The following SYT16 variants were observed in gnomAD, a reference collection of about 807,000 sequenced individuals.
SYT16 encodes the protein synaptotagmin 16.
Under a neutral mutation model 61.4 loss-of-function variants are expected in SYT16, and 42 were observed. The observed-to-expected ratio is 0.68, with a 90% CI of 0.53 to 0.89. SYT16 has a LOEUF of 0.89. Among genes scored for constraint, SYT16 ranks in the 40% least tolerant of loss-of-function variants. The pLI is 0.00. For missense variants in SYT16, 804 were observed against 807.3 expected (o/e 1.00, Z 0.05); for synonymous variants, 314 against 302.3 (o/e 1.04, Z -0.40).
intron 4 of SYT16, among the ~76,000 whole-genome samples, chr14:62,073,157 C>A (rs1271063624): frequency 6.6e-6 from 1 of 152,126 alleles, no homozygotes; most frequent in Non-Finnish European, 1.5e-5. Context: ...ACATTAATAT[C>A]ATTCTTATGT....
At chr14:61,951,763 C>T (rs1594995084) in intron 1 of SYT16, among the ~76,000 whole-genome samples, 2 of 151,874 alleles carry the variant, frequency 1.3e-5, no homozygotes, top group South Asian at 4.2e-4. Flanking sequence ...GCATATGTTC[C>T]TAATTATTTC....
intron 3 of SYT16, among the ~76,000 whole-genome samples, chr14:62,052,468 G>A (rs1469938153): frequency 6.6e-6 from 1 of 152,118 alleles, no homozygotes; most frequent in Admixed American, 6.5e-5. Context: ...GCCTAATATA[G>A]GCCTAATTTT....
At chr14:61,883,530 A>G (rs952804468) in intron 1 of SYT16, among the ~76,000 whole-genome samples, 1 of 152,206 alleles carries the variant, frequency 6.6e-6, no homozygotes, top group African/African-American at 2.4e-5. Flanking sequence ...TTCATTGTCC[A>G]TATCACTATC....
At chr14:62,037,916 C>T (rs1332941616) in intron 3 of SYT16, among the ~76,000 whole-genome samples, 1 of 152,154 alleles carries the variant, frequency 6.6e-6, no homozygotes, top group Non-Finnish European at 1.5e-5. Flanking sequence ...TGTTGGTAAC[C>T]TGTAGCCAGG....
intron 1 of SYT16, among the ~76,000 whole-genome samples, chr14:61,915,138 T>A (rs1211138844): frequency 3.3e-5 from 5 of 152,156 alleles, no homozygotes; most frequent in African/African-American, 4.8e-5. Context: ...TGTTCTGAAT[T>A]TCATAAATAG....
At chr14:62,035,095 G>T (rs2054457541) in intron 3 of SYT16, among the ~76,000 whole-genome samples, 1 of 152,280 alleles carries the variant, frequency 6.6e-6, no homozygotes. Flanking sequence ...CATTGGAAGG[G>T]TAATTTTTGA....
chr14:61,856,308 T>A (rs1266467034), intron 1 of SYT16, among the ~76,000 whole-genome samples: 1 of 152,186 alleles, frequency 6.6e-6, no homozygotes, highest in East Asian at 1.9e-4. Flanking sequence ...TCAGGTAGAA[T>A]GTAGACAACA....
chr14:62,085,135 G>T (rs1225888894), intron 7 of SYT16, among the ~76,000 whole-genome samples: 4 of 152,198 alleles, frequency 2.6e-5, no homozygotes, highest in African/African-American at 4.8e-5. Context: ...GCTGTTTTCA[G>T]TTGCCTCAAC....
At chr14:61,875,381 G>C (rs1011829582) in intron 1 of SYT16, among the ~76,000 whole-genome samples, 1 of 152,168 alleles carries the variant, frequency 6.6e-6, no homozygotes, top group African/African-American at 2.4e-5. Flanking sequence ...TATGTGGATT[G>C]GGTGTACATA....
At chr14:62,071,345 T>A (rs2140945884) in intron 4 of SYT16, among the ~76,000 whole-genome samples, 1 of 152,324 alleles carries the variant, frequency 6.6e-6, no homozygotes, top group South Asian at 2.1e-4. Flanking sequence ...GGCTTCTGAT[T>A]TACACAAATG....
At chr14:61,929,140 A>G (rs2049658738) in intron 1 of SYT16, among the ~76,000 whole-genome samples, 1 of 152,216 alleles carries the variant, frequency 6.6e-6, no homozygotes, top group Non-Finnish European at 1.5e-5. Flanking sequence ...AAGACAGTTC[A>G]GGCTGTTTTG....
At chr14:61,867,990 T>C (rs985812076) in intron 1 of SYT16, among the ~76,000 whole-genome samples, 1 of 152,072 alleles carries the variant, frequency 6.6e-6, no homozygotes, top group Non-Finnish European at 1.5e-5. Flanking sequence ...GAATCAGTCT[T>C]GTATTATTGG....
intron 1 of SYT16, among the ~76,000 whole-genome samples, chr14:61,968,262 GA>G (rs1260078219): frequency 2.0e-5 from 3 of 150,424 alleles, no homozygotes; most frequent in East Asian, 1.9e-4. Context: ...CTCTGTCTCA[GA>G]AAAAAAAATG....
At position 62,023,700 on chromosome 14, in the gene SYT16, G is replaced by A. The variant is rs193048102; in HGVS notation, c.523+27158G>A. Among the ~76,000 whole-genome samples, 468 of 152,264 alleles carry A rather than the reference G, an allele frequency of 3.1e-3. 11 individuals carry two copies. The highest frequency in any genetic ancestry group is 4.7e-4 in the Non-Finnish European group (32 of 68,006). ...TACCTGTGCCAGTTGTTCTTGAATAGCTTCAAAATTTTGTTCAAACAATTG... is the reference window on the plus strand; with the variant it reads ...TACCTGTGCCAGTTGTTCTTGAATAACTTCAAAATTTTGTTCAAACAATTG... On this transcript the variant is annotated intron_variant, in intron 3 of 7. Transcript: ENST00000683842.
chr14:61,963,816 G>A (rs1441233034), intron 1 of SYT16, among the ~76,000 whole-genome samples: 1 of 152,200 alleles, frequency 6.6e-6, no homozygotes, highest in Non-Finnish European at 1.5e-5. Context: ...AAGGGCTGAT[G>A]TAGCTGGTGA....
chr14:61,852,853 A>C (rs918768479), intron 1 of SYT16, among the ~76,000 whole-genome samples: 3 of 152,248 alleles, frequency 2.0e-5, no homozygotes, highest in Non-Finnish European at 2.9e-5. Flanking sequence ...GATTTTTAAA[A>C]GTCAAATTGA....
chr14:62,034,637 G>A (rs566386761), intron 3 of SYT16, among the ~76,000 whole-genome samples: 65 of 151,874 alleles, frequency 4.3e-4, no homozygotes, highest in African/African-American at 1.4e-3. Flanking sequence ...TATATGCAAT[G>A]TCCACAATAG....
intron 5 of SYT16, among the ~76,000 whole-genome samples, chr14:62,078,153 C>CTA (rs1437217028): frequency 1.0e-3 from 102 of 101,742 alleles, no homozygotes; most frequent in Non-Finnish European, 1.7e-3. Flanking sequence ...CTCTCTCTCT[C>CTA]TCTATATATA....
intron 1 of SYT16, among the ~76,000 whole-genome samples, chr14:61,828,206 A>G (rs1382849217): frequency 1.3e-5 from 2 of 152,184 alleles, no homozygotes; most frequent in East Asian, 3.8e-4. Context: ...AAATATGAGA[A>G]AATTTTATTG....
Sources: gnomAD v4.1 joint callset for allele counts (sites outside exome capture counted in the v4.1 genomes callset) on GRCh38, gnomAD v4.1.1 for gene constraint, MANE v1.5 for transcripts, NCBI Gene and HGNC (gene_info 2026-07-23, HGNC 2026-07-21) for gene names.